The following TMEM45B variants were observed in gnomAD, a reference collection of about 807,000 sequenced individuals.
TMEM45B encodes the protein transmembrane protein 45B.
A neutral mutation model predicts 27.3 loss-of-function variants in TMEM45B; 29 were observed. The ratio of observed to expected loss-of-function variants is 1.06; its 90% CI spans 0.79 to 1.45. TMEM45B has a LOEUF of 1.45. Among genes scored for constraint, TMEM45B ranks in the 40% most tolerant of loss-of-function variants. The pLI, the probability that TMEM45B is intolerant of heterozygous loss-of-function variation, is 0.00. For synonymous variants in TMEM45B, 143 were observed against 134.7 expected (o/e 1.06, Z -0.43); for missense variants, 348 against 343.9 (o/e 1.01, Z -0.09).
chr11:129,820,223 G>A (rs888575447), intron 1 of TMEM45B, among the ~76,000 whole-genome samples: 3 of 152,086 alleles, frequency 2.0e-5, no homozygotes, highest in African/African-American at 7.2e-5. Context: ...GCTGAGGCAG[G>A]AGAATCGCTT....
chr11:129,832,860 T>G (rs919159646), intron 1 of TMEM45B, among the ~76,000 whole-genome samples: 1 of 152,080 alleles, frequency 6.6e-6, no homozygotes, highest in Non-Finnish European at 1.5e-5. Flanking sequence ...GTAAAAAAAC[T>G]TAGTAAGGTT....
intron 1 of TMEM45B, among the ~76,000 whole-genome samples, chr11:129,825,479 CT>C (rs1266028442): frequency 6.6e-6 from 1 of 151,882 alleles, no homozygotes; most frequent in Non-Finnish European, 1.5e-5. Flanking sequence ...ATGTGCATGT[CT>C]GTCTGTTCAG....
intron 1 of TMEM45B, among the ~76,000 whole-genome samples, chr11:129,833,066 A>AC (rs1260378886): frequency 6.6e-6 from 1 of 151,608 alleles, no homozygotes; most frequent in Admixed American, 6.6e-5. Context: ...ACATGGTGAA[A>AC]CCCCATCTCT....
Position 129,852,539 on chromosome 11 carries a change from G to A in TMEM45B, c.57G>A (p.Leu19=). 2.8e-5 allele frequency: 45 copies of A among 1,613,690 alleles called. No individual in the cohort carries two copies. Among genetic ancestry groups the A allele is most frequent in the Non-Finnish European group, 3.8e-5 (45 of 1,179,658 alleles). The change falls in exon 2 of 6, where the codon CTG becomes CTA. Residue 19 remains leucine, a synonymous_variant. Coordinates refer to ENST00000281441, the MANE Select transcript of TMEM45B (RefSeq NM_138788.5). ...LPGSFFLIIG[L]CWSVKYPLKY... ...GGAGTTTCTTCCTGATCATTGGGCT[G>A]TGTTGGTCAGTGAAGTACCCGCTGA...
At chr11:129,842,449 A>G (rs567700618) in intron 1 of TMEM45B, among the ~76,000 whole-genome samples, 4 of 152,368 alleles carry the variant, frequency 2.6e-5, no homozygotes, top group Non-Finnish European at 5.9e-5. Flanking sequence ...AAACACACAT[A>G]GAGCAATGGA....
rs1947343359 is a variant in TMEM45B, at chr11:129,815,872, C to T, written c.-35C>T. 7.7e-7 allele frequency: 1 copy of T among 1,305,670 alleles called. No individual in the cohort carries two copies. Among genetic ancestry groups the T allele is most frequent in the Non-Finnish European group, 9.7e-7 (1 of 1,035,332 alleles). The allele number at this position is 1,305,670 out of a possible 1,614,324, so 80.9% of individuals were successfully genotyped here. A position where few individuals can be genotyped will look rare whatever the true frequency, so the allele number is the denominator to read the frequency against. On this transcript the variant is annotated 5_prime_UTR_variant, in exon 1 of 6. Transcript: ENST00000281441. ...CGCACTTGGCGCGCGGCGCGGGCTGCAGACGGCTGCGAGGCGCTGGGCACA... is the reference window on the plus strand; with the variant it reads ...CGCACTTGGCGCGCGGCGCGGGCTGTAGACGGCTGCGAGGCGCTGGGCACA...
At chr11:129,834,388 G>A (rs981977657) in intron 1 of TMEM45B, among the ~76,000 whole-genome samples, 8 of 151,804 alleles carry the variant, frequency 5.3e-5, no homozygotes, top group African/African-American at 1.7e-4. Flanking sequence ...CTGAGATCAC[G>A]CCACTGCACT....
chr11:129,841,157 C>G (rs1947687494), intron 1 of TMEM45B, among the ~76,000 whole-genome samples: 1 of 151,974 alleles, frequency 6.6e-6, no homozygotes, highest in South Asian at 2.1e-4. Context: ...CCCATCACCC[C>G]CCAGCTCAGC....
chr11:129,817,771 C>A (rs1384519787), intron 1 of TMEM45B, among the ~76,000 whole-genome samples: 1 of 152,180 alleles, frequency 6.6e-6, no homozygotes, highest in African/African-American at 2.4e-5. Context: ...CCCCTACCTG[C>A]AGTTAAACAT....
intron 1 of TMEM45B, among the ~76,000 whole-genome samples, chr11:129,841,657 C>T (rs1387892379): frequency 3.5e-5 from 5 of 144,774 alleles, no homozygotes; most frequent in South Asian, 4.4e-4. Flanking sequence ...AGTGCAGTGA[C>T]GTGATCTCAG....
intron 1 of TMEM45B, among the ~76,000 whole-genome samples, chr11:129,826,070 G>A (rs1947474548): frequency 6.6e-6 from 1 of 151,800 alleles, no homozygotes; most frequent in Non-Finnish European, 1.5e-5. Context: ...TGCTGAGGTG[G>A]CAACTGGTAA....
At chr11:129,816,125 C>T (rs1378222355) in intron 1 of TMEM45B, among the ~76,000 whole-genome samples, 1 of 152,276 alleles carries the variant, frequency 6.6e-6, no homozygotes, top group African/African-American at 2.4e-5. Flanking sequence ...CAGCTGGGGC[C>T]CCCTCCGGGC....
At chr11:129,821,841 T>C (rs520777) in intron 1 of TMEM45B, among the ~76,000 whole-genome samples, 51,053 of 151,294 alleles carry the variant, frequency 0.34, 9,346 homozygotes, top group East Asian at 0.48. Flanking sequence ...TGTTATTTAA[T>C]GTTGGGGTGG....
rs1456039739 is a variant in TMEM45B, at chr11:129,855,957, G to C, written c.570+65G>C. 18 of 1,576,070 alleles carry C rather than the reference G, an allele frequency of 1.1e-5. No homozygotes were observed. In the African/African-American group the frequency reaches 2.2e-4, roughly 19 times the overall value. ...AGAAGCCCCCACCGAGCGCATCCCA[G>C]AGAAATCCCTGACGAGAATATGGGG... On this transcript the variant is annotated intron_variant, in intron 4 of 5. Coordinates refer to ENST00000281441, the MANE Select transcript of TMEM45B (RefSeq NM_138788.5).
In TMEM45B at chr11:129,830,847, G is replaced by A. The variant is rs548192769; in HGVS notation, c.-9+14949G>A. ...TTGGAACTCTAATACATTGCTGGTGGGATTGTGAAAGGGTCTAGCCACTTT... is the reference window on the plus strand; with the variant it reads ...TTGGAACTCTAATACATTGCTGGTGAGATTGTGAAAGGGTCTAGCCACTTT... On this transcript the variant is annotated intron_variant, in intron 1 of 5. Transcript: ENST00000281441. Among the ~76,000 whole-genome samples the A allele has an allele frequency of 2.0e-5, 3 of 152,286 alleles. No individual in the cohort carries two copies. In the East Asian group the frequency reaches 5.8e-4, roughly 29 times the overall value.
intron 1 of TMEM45B, among the ~76,000 whole-genome samples, chr11:129,845,118 T>G (rs1001231242): frequency 2.0e-5 from 3 of 152,246 alleles, no homozygotes; most frequent in African/African-American, 4.8e-5. Context: ...AGACTTTATA[T>G]ATTCTTAAAT....
intron 2 of TMEM45B, chr11:129,852,988 C>T (rs1389292312): frequency 1.0e-5 from 2 of 196,898 alleles, no homozygotes; most frequent in Non-Finnish European, 2.1e-5. Context: ...AGATTAGGCT[C>T]ACGTACCTTA....
intron 1 of TMEM45B, 59 bp downstream of exon 1, chr11:129,815,957 G>C (rs1454397940): frequency 6.3e-6 from 8 of 1,263,360 alleles, no homozygotes; most frequent in Middle Eastern, 2.4e-4. Context: ...AGGGAGAGGG[G>C]GCCCCGCCAA....
intron 1 of TMEM45B, among the ~76,000 whole-genome samples, chr11:129,841,893 C>T (rs1326134876): frequency 3.3e-5 from 5 of 151,974 alleles, no homozygotes; most frequent in Admixed American, 6.6e-5. Context: ...CCACTGCGCC[C>T]GGCCTCAGAG....
Sources: allele counts gnomAD v4.1 joint callset (sites outside exome capture counted in the v4.1 genomes callset), GRCh38; gene constraint gnomAD v4.1.1; transcripts MANE v1.5; gene names NCBI Gene and HGNC (gene_info 2026-07-23, HGNC 2026-07-21).